Variants in LRRFIP1 observed in about 807,000 individuals in gnomAD.
LRRFIP1 encodes LRR binding FLII interacting protein 1.
LRRFIP1 carries 62 observed loss-of-function variants against 104.4 expected under a neutral mutation model. The observed-to-expected ratio is 0.59, with a 90% confidence interval of 0.48 to 0.73. The LOEUF is 0.73. LRRFIP1 is among the 30% of genes least tolerant of loss of function. The pLI, the probability that LRRFIP1 is intolerant of heterozygous loss-of-function variation, is 0.00. For missense variants in LRRFIP1, 796 were observed against 824.5 expected (o/e 0.97, Z 0.42); for synonymous variants, 300 against 299.0 (o/e 1.00, Z -0.03).
intron 1 of LRRFIP1, among the ~76,000 whole-genome samples, chr2:237,693,903 G>T (rs964410215): frequency 1.3e-5 from 2 of 152,190 alleles, no homozygotes; most frequent in African/African-American, 4.8e-5. Flanking sequence ...TCCTGGGCGG[G>T]TCTGGGTTCA....
chr2:237,742,250 A>G (rs1231146818), intron 11 of LRRFIP1, among the ~76,000 whole-genome samples: 1 of 152,178 alleles, frequency 6.6e-6, no homozygotes, highest in Non-Finnish European at 1.5e-5. Flanking sequence ...ATCTCCTTGT[A>G]TCTGCTCTTC....
At position 237,758,829 on chromosome 2, in the gene LRRFIP1, G is replaced by T; in HGVS notation, c.1317+8G>T. On this transcript the variant is annotated splice_region_variant and intron_variant, in intron 18 of 23. Transcript: ENST00000308482. ...CTGAAAGAGGAATTAAAGGTATGAA[G>T]CCAAACTACAGTTTTATTTAAAAAA... 2 of 1,587,826 alleles carry T rather than the reference G, an allele frequency of 1.3e-6. No homozygotes were observed. The highest frequency in any genetic ancestry group is 3.3e-4 in the Middle Eastern group (2 of 5,982).
intron 14 of LRRFIP1, among the ~76,000 whole-genome samples, chr2:237,752,668 G>A (rs1169364062): frequency 1.3e-5 from 2 of 152,236 alleles, no homozygotes; most frequent in African/African-American, 2.4e-5. Context: ...TGTGAGGCAC[G>A]TGAGGGCATC....
rs959618797 is a variant in LRRFIP1, at chr2:237,691,746, C to G, written c.97-16798C>G. The stretch of plus-strand genomic sequence containing the variant: ...CCCCTACTGGGCGCGGCATCCTCCC[C>G]GGAGCGCCCGCTTCCCACGGCCCCT... On this transcript the variant is annotated intron_variant, in intron 1 of 23. Transcript: ENST00000308482. This position sits in a 1 kb window ranked among gnomAD's most constrained non-coding sequence, Gnocchi z 5.4. 3.2e-4 allele frequency among the ~76,000 whole-genome samples: 48 copies of G among 152,122 alleles called. No homozygotes were observed. Among genetic ancestry groups the G allele is most frequent in the Non-Finnish European group, 1.2e-4 (8 of 67,984 alleles).
intron 1 of LRRFIP1, among the ~76,000 whole-genome samples, chr2:237,665,157 G>GT (rs1457883110): frequency 6.6e-6 from 1 of 151,886 alleles, no homozygotes; most frequent in African/African-American, 2.4e-5. Flanking sequence ...ATTAACTTAT[G>GT]TTTTTTAAAA....
chr2:237,725,514 C>CAA (rs140800145), intron 7 of LRRFIP1, among the ~76,000 whole-genome samples: 3 of 152,104 alleles, frequency 2.0e-5, no homozygotes, highest in Non-Finnish European at 4.4e-5. Context: ...AAATACAACA[C>CAA]AAAAAAACAC....
Position 237,758,858 on chromosome 2 carries a change from GAAAAA to G in LRRFIP1, c.1317+41_1317+45del, listed in dbSNP as rs3215064. 15 of 1,475,164 alleles carry G rather than the reference GAAAAA, an allele frequency of 1.0e-5. No individual in the cohort carries two copies. In the African/African-American group the frequency reaches 1.4e-4, roughly 14 times the overall value. The allele number at this position is 1,475,164 out of a possible 1,614,324, so 91.4% of individuals were successfully genotyped here. ...AACTACAGTTTTATTTAAAAAAAAA[GAAAAA>G]AAATCCAGGTGACAACAGCAAATTT... On this transcript the variant is annotated intron_variant, in intron 18 of 23. Transcript: ENST00000308482.
At chr2:237,686,533 T>C (rs1400243375) in intron 1 of LRRFIP1, among the ~76,000 whole-genome samples, 2 of 152,198 alleles carry the variant, frequency 1.3e-5, no homozygotes, top group Non-Finnish European at 2.9e-5. Flanking sequence ...GCACCTACCA[T>C]GTTCCAAGCA....
intron 1 of LRRFIP1, among the ~76,000 whole-genome samples, chr2:237,688,721 A>G (rs1363627147): frequency 1.3e-5 from 2 of 152,002 alleles, no homozygotes; most frequent in African/African-American, 4.8e-5. Context: ...GGCCTCCCCA[A>G]GTGCTGGGAT....
intron 1 of LRRFIP1, among the ~76,000 whole-genome samples, chr2:237,634,280 C>A (rs2082788670): frequency 6.6e-6 from 1 of 152,222 alleles, no homozygotes; most frequent in South Asian, 2.1e-4. Context: ...TGTCAGCTGG[C>A]TCCTGCATTG....
intron 6 of LRRFIP1, among the ~76,000 whole-genome samples, chr2:237,722,833 G>A (rs1051468673): frequency 6.6e-6 from 1 of 152,182 alleles, no homozygotes; most frequent in African/African-American, 2.4e-5. Context: ...CTGGTGGGCT[G>A]TGTGTCCTCC....
At position 237,654,920 on chromosome 2, in the gene LRRFIP1, C is replaced by G. The variant is rs546050399; in HGVS notation, c.96+27180C>G. Among the ~76,000 whole-genome samples the G allele has an allele frequency of 4.6e-5, 7 of 152,114 alleles. No homozygotes were observed. In the South Asian group the frequency reaches 1.5e-3, roughly 32 times the overall value. On this transcript the variant is annotated intron_variant, in intron 1 of 23. Coordinates refer to ENST00000308482, the MANE Select transcript of LRRFIP1 (RefSeq NM_001137550.2). The stretch of plus-strand genomic sequence containing the variant: ...ACAATAACCAAGATATGGAATCAAC[C>G]TAAGTGTCTAACAACAGATGAATAG...
chr2:237,742,864 T>C (rs1226518168), intron 11 of LRRFIP1, among the ~76,000 whole-genome samples: 2 of 152,130 alleles, frequency 1.3e-5, no homozygotes, highest in Non-Finnish European at 1.5e-5. Context: ...TGAGGTCATA[T>C]GGAGCAGGCA....
intron 1 of LRRFIP1, among the ~76,000 whole-genome samples, chr2:237,669,749 C>A (rs749284703): frequency 1.3e-5 from 2 of 152,152 alleles, no homozygotes; most frequent in Non-Finnish European, 2.9e-5. Context: ...AATGCTTAAC[C>A]ACACTCCTCC....
chr2:237,655,847 G>A (rs990274303), intron 1 of LRRFIP1, among the ~76,000 whole-genome samples: 3 of 152,300 alleles, frequency 2.0e-5, no homozygotes, highest in Middle Eastern at 3.4e-3. Context: ...CAAAACAAGA[G>A]AAATACTGCT....
chr2:237,721,679 C>T (rs1435299930), intron 6 of LRRFIP1: 1 of 152,210 alleles, frequency 6.6e-6, no homozygotes, highest in Non-Finnish European at 1.5e-5. Flanking sequence ...TACTCCTTGA[C>T]TTCTTATACA....
chr2:237,692,537 T>C (rs762958272), intron 1 of LRRFIP1: 4 of 1,502,122 alleles, frequency 2.7e-6, no homozygotes, highest in Non-Finnish European at 3.6e-6. Context: ...AGGAAAGCGC[T>C]TCCGAAACTT....
At chr2:237,729,928 A>G (rs987505902) in intron 8 of LRRFIP1, 1 of 613,496 alleles carries the variant, frequency 1.6e-6, no homozygotes, top group Non-Finnish European at 2.0e-6. Flanking sequence ...ATTCAGCTCT[A>G]CTTTTCTCTT....
At chr2:237,722,116 C>CCGAGAGAGGAGGAAACT (rs2094556965) in intron 6 of LRRFIP1, 1 of 152,118 alleles carries the variant, frequency 6.6e-6, no homozygotes, top group Non-Finnish European at 1.5e-5. Context: ...GGGGGAGCGA[C>CCGAGAGAGGAGGAAACT]CGAGAGAGGA....
Sources: allele counts gnomAD v4.1 joint callset (sites outside exome capture counted in the v4.1 genomes callset), GRCh38; gene constraint gnomAD v4.1.1; non-coding constraint Gnocchi (gnomAD v3.1); transcripts MANE v1.5; gene names NCBI Gene and HGNC (gene_info 2026-07-23, HGNC 2026-07-21).